Variants in PRKD3 observed in about 807,000 individuals in gnomAD.
PRKD3 encodes the protein protein kinase D3.
PRKD3 carries 47 observed loss-of-function variants against 99.2 expected under a neutral mutation model. The ratio of observed to expected loss-of-function variants is 0.47; its 90% CI spans 0.38 to 0.60. The LOEUF is 0.60. PRKD3 is among the 20% of genes least tolerant of loss of function. The probability of loss-of-function intolerance (pLI) is 0.00; values close to 1 mark genes in which losing one functional copy is unlikely to be tolerated. For missense variants in PRKD3, 1,019 were observed against 1,088.4 expected, an observed-to-expected ratio of 0.94 and a Z score of 0.90; for synonymous variants, 392 against 355.4, an observed-to-expected ratio of 1.10 and a Z score of -1.16.
intron 16 of PRKD3, among the ~76,000 whole-genome samples, chr2:37,257,166 G>A (rs1308612025): frequency 6.6e-6 from 1 of 152,090 alleles, no homozygotes; most frequent in Non-Finnish European, 1.5e-5. Flanking sequence ...TATTTCAAAA[G>A]TTCTAGCTTC....
chr2:37,308,745 G>A lies in PRKD3; in HGVS notation c.288+7492C>T, dbSNP rs548161915. Among the ~76,000 whole-genome samples the A allele has an allele frequency of 1.1e-3, 172 of 152,208 alleles. 1 individual carries two copies. Among genetic ancestry groups the A allele is most frequent in the African/African-American group, 4.0e-3 (167 of 41,542 alleles). On this transcript the variant is annotated intron_variant, in intron 2 of 18. Transcript: ENST00000234179. ...GCTAGGATCACAGACATGGGCCAACGCGCCCAGCTAGTGTCAGGTATTAAG... is the reference window on the plus strand; with the variant it reads ...GCTAGGATCACAGACATGGGCCAACACGCCCAGCTAGTGTCAGGTATTAAG...
At chr2:37,278,310 G>T (rs906398111) in intron 8 of PRKD3, 1 of 171,028 alleles carries the variant, frequency 5.8e-6, no homozygotes, top group Non-Finnish European at 1.2e-5. Flanking sequence ...TTCTCATTTG[G>T]GCTTGCTGTT....
chr2:37,319,758 A>T (rs1425833277), intron 1 of PRKD3, among the ~76,000 whole-genome samples: 1 of 54,998 alleles, frequency 1.8e-5, no homozygotes, highest in Non-Finnish European at 4.1e-5. Context: ...TACTGATTTA[A>T]AAAAAAAAAA....
intron 2 of PRKD3, among the ~76,000 whole-genome samples, chr2:37,312,197 T>A (rs909631855): frequency 6.6e-6 from 1 of 152,040 alleles, no homozygotes; most frequent in East Asian, 1.9e-4. Context: ...TGGTTAAGAT[T>A]TTGTTGGGAA....
intron 7 of PRKD3, chr2:37,282,244 G>C: frequency 3.3e-6 from 1 of 302,956 alleles, no homozygotes; most frequent in Non-Finnish European, 6.2e-6. Flanking sequence ...TGAAAGAATA[G>C]AGACAAGAGC....
At position 37,259,656 on chromosome 2, in the gene PRKD3, T is replaced by G. The variant is rs747328210; in HGVS notation, c.2072A>C (p.His691Pro). The change falls in exon 16 of 19, where the codon CAT (histidine) becomes CCT (proline). Residue 691 changes from histidine to proline, a missense_variant. This residue lies in a region of PRKD3 where 184 missense variants were observed against 275.1 expected (regional missense o/e 0.67). Coordinates refer to ENST00000234179, the MANE Select transcript of PRKD3 (RefSeq NM_005813.6). ...ATCACAGTGCACAATATTCTTAAAA[T>G]GCAGATTCCTCAAAGCAACAAGTAT... ...TQILVALRNLHFKNIVHCDLK... is the reference protein window; with the variant it reads ...TQILVALRNLPFKNIVHCDLK... 7.4e-6 allele frequency: 12 copies of G among 1,612,672 alleles called. No individual in the cohort carries two copies.
intron 17 of PRKD3, among the ~76,000 whole-genome samples, chr2:37,255,290 A>G (rs577371700): frequency 7.0e-6 from 1 of 142,314 alleles, no homozygotes; most frequent in East Asian, 2.1e-4. Context: ...TAATCCTATG[A>G]TTAGGCCTAG....
In PRKD3 at chr2:37,317,072, T is replaced by A. The variant is rs1671699627; in HGVS notation, c.-548A>T. 1 of 985,652 alleles carries A rather than the reference T, an allele frequency of 1.0e-6. No homozygotes were observed. Among genetic ancestry groups the A allele is most frequent in the Non-Finnish European group, 1.2e-6 (1 of 830,090 alleles). The allele number at this position is 985,652 out of a possible 1,614,324, so 61.1% of individuals were successfully genotyped here. The stretch of plus-strand genomic sequence containing the variant: ...TGTCCTCATTTTCATTCTGGGGGGA[T>A]GAACTTTTCTATGACGAAATACAAA... On this transcript the variant is annotated 5_prime_UTR_variant, in exon 2 of 19. Transcript: ENST00000234179.
intron 13 of PRKD3, chr2:37,269,407 G>C: frequency 1.8e-6 from 1 of 558,400 alleles, no homozygotes; most frequent in Non-Finnish European, 3.2e-6. Flanking sequence ...AAAATTTTCT[G>C]ATTCTGTTAA....
rs1670280494 is a variant in PRKD3 at position 37,289,389 on chromosome 2, T to TAGGG, written c.680_683dup (p.Gln229ProfsTer4). 1 of 1,614,172 alleles carries TAGGG rather than the reference T, an allele frequency of 6.2e-7. No homozygotes were observed. The highest frequency in any genetic ancestry group is 8.5e-7 in the Non-Finnish European group (1 of 1,180,024). On this transcript the variant is annotated frameshift_variant, in exon 5 of 19. Coordinates refer to ENST00000234179, the MANE Select transcript of PRKD3 (RefSeq NM_005813.6). LOFTEE classifies it high-confidence loss of function. The stretch of plus-strand genomic sequence containing the variant: ...TGGGAAGGGCTACATATTCAGGCTG[T>TAGGG]AGGGGTCTTGGAACTGAGAGGCCGG...
At chr2:37,312,167 T>C (rs1671455301) in intron 2 of PRKD3, among the ~76,000 whole-genome samples, 3 of 152,192 alleles carry the variant, frequency 2.0e-5, no homozygotes, top group African/African-American at 4.8e-5. Flanking sequence ...GAAAATCTTG[T>C]GGGCTGTTCA....
intron 7 of PRKD3, among the ~76,000 whole-genome samples, chr2:37,280,154 C>T (rs1044160525): frequency 6.6e-6 from 1 of 151,202 alleles, no homozygotes; most frequent in African/African-American, 2.4e-5. Context: ...AAGCGATTCT[C>T]TAGCCTCAGC....
At chr2:37,312,625 G>C (rs1277002907) in intron 2 of PRKD3, among the ~76,000 whole-genome samples, 2 of 152,152 alleles carry the variant, frequency 1.3e-5, no homozygotes, top group African/African-American at 2.4e-5. Context: ...TGCTGAAGCA[G>C]TCTAGTGTTC....
intron 14 of PRKD3, 73 bp downstream of exon 14, chr2:37,267,357 A>T: frequency 1.8e-6 from 2 of 1,111,096 alleles, no homozygotes; most frequent in Admixed American, 5.0e-5. Context: ...AAAAAAAAAA[A>T]AAAAAGAGAA....
At chr2:37,321,866 G>T (rs779401442) in intron 1 of PRKD3, among the ~76,000 whole-genome samples, 1 of 152,158 alleles carries the variant, frequency 6.6e-6, no homozygotes, top group Non-Finnish European at 1.5e-5. Flanking sequence ...TTCCAGGAAG[G>T]CAAAATGCAT....
At chr2:37,295,715 A>G (rs551344876) in intron 2 of PRKD3, among the ~76,000 whole-genome samples, 5 of 152,348 alleles carry the variant, frequency 3.3e-5, no homozygotes, top group African/African-American at 1.2e-4. Context: ...GATGGCTGTA[A>G]AAGTCTCAGC....
intron 11 of PRKD3, among the ~76,000 whole-genome samples, 193 bp downstream of exon 11, chr2:37,274,228 T>C (rs1445717862): frequency 6.6e-6 from 1 of 152,230 alleles, no homozygotes; most frequent in East Asian, 1.9e-4. Context: ...CACTGGGCAT[T>C]GTATGTACGT....
intron 2 of PRKD3, among the ~76,000 whole-genome samples, chr2:37,295,998 G>C (rs527556427): frequency 6.6e-6 from 1 of 151,946 alleles, no homozygotes; most frequent in South Asian, 2.1e-4. Context: ...AGAAACTACA[G>C]CAAGTAAATG....
chr2:37,317,070 G>GA lies in PRKD3; in HGVS notation c.-547dup. ...AATGTCCTCATTTTCATTCTGGGGG[G>GA]ATGAACTTTTCTATGACGAAATACA... On this transcript the variant is annotated 5_prime_UTR_variant, in exon 2 of 19. The change creates a premature stop within an existing upstream ORF in the 5' untranslated region. Coordinates refer to ENST00000234179, the MANE Select transcript of PRKD3 (RefSeq NM_005813.6). The GA allele has an allele frequency of 1.0e-6, 1 of 985,254 alleles. No homozygotes were observed. The highest frequency in any genetic ancestry group is 4.7e-5 in the South Asian group (1 of 21,270). The allele number at this position is 985,254 out of a possible 1,614,324, so 61.0% of individuals were successfully genotyped here.
Sources: allele counts gnomAD v4.1 joint callset (sites outside exome capture counted in the v4.1 genomes callset), GRCh38; gene constraint gnomAD v4.1.1; regional missense constraint gnomAD v4.1.1; transcripts MANE v1.5; gene names NCBI Gene and HGNC (gene_info 2026-07-23, HGNC 2026-07-21).